Variants in CDT1 observed in about 807,000 individuals in gnomAD.
The protein encoded by CDT1 is chromatin licensing and DNA replication factor 1.
In CDT1, 66 loss-of-function variants were observed where a neutral mutation model predicts 49.3. The observed-to-expected ratio is 1.34, with a 90% confidence interval of 1.10 to 1.64. CDT1 has a LOEUF of 1.64. Ranked by LOEUF, CDT1 falls within the 40% of genes most tolerant of loss-of-function variation. CDT1 has a pLI of 0.00. For synonymous variants in CDT1, 424 were observed against 347.4 expected (o/e 1.22, Z -2.45); for missense variants, 958 against 807.7 (o/e 1.19, Z -2.26).
At position 88,804,802 on chromosome 16, in the gene CDT1, G is replaced by C. The variant is rs756607694; in HGVS notation, c.392G>C (p.Arg131Pro). ...SELASCLQRARELGARVRALK... is the reference protein window; with the variant it reads ...SELASCLQRAPELGARVRALK... The stretch of plus-strand genomic sequence containing the variant: ...CTTGCGTCATGCCTGCAACGGGCCC[G>C]GGAGCTGGGGGCAAGAGTCCGGGCG... Residue 131 changes from arginine (R) to proline (P), a missense_variant, in exon 3 of 10, where the codon CGG becomes CCG. Arg to Pro is a moderately radical substitution (Grantham distance 103). Transcript: ENST00000301019. 1 of 1,612,734 alleles carries C rather than the reference G, an allele frequency of 6.2e-7. No individual in the cohort carries two copies. Among genetic ancestry groups the C allele is most frequent in the South Asian group, 1.1e-5 (1 of 91,084 alleles).
chr16:88,806,735 G>C (rs1597505866), intron 7 of CDT1, 61 bp downstream of exon 7: 2 of 1,538,452 alleles, frequency 1.3e-6, no homozygotes, highest in African/African-American at 1.4e-5. Flanking sequence ...CCTGACCCCA[G>C]GCTTAAGAGG....
At position 88,806,033 on chromosome 16, in the gene CDT1, C is replaced by G. The variant is rs1192351671; in HGVS notation, c.845C>G (p.Ala282Gly). 2 of 1,591,676 alleles carry G rather than the reference C, an allele frequency of 1.3e-6. No homozygotes were observed. Among genetic ancestry groups the G allele is most frequent in the Middle Eastern group, 1.7e-4 (1 of 6,038 alleles). ...EPLLEQEADGAAPQLTASRLL... is the reference protein window; with the variant it reads ...EPLLEQEADGGAPQLTASRLL... Reference sequence around the variant, plus strand: ...ACTCGTCCCACAGAGGCTGACGGAGCAGCCCCCCAGCTCACGGCCTCGCGC... The same window carrying G: ...ACTCGTCCCACAGAGGCTGACGGAGGAGCCCCCCAGCTCACGGCCTCGCGC... The change falls in exon 6 of 10, where the codon GCA becomes GGA. Residue 282 changes from alanine to glycine, a missense_variant. Ala to Gly is a moderately conservative substitution (Grantham distance 60). Transcript: ENST00000301019.
chr16:88,806,531 C>G lies in CDT1; in HGVS notation c.979C>G (p.Gln327Glu). The G allele has an allele frequency of 6.2e-7, 1 of 1,610,726 alleles. No individual in the cohort carries two copies. Among genetic ancestry groups the G allele is most frequent in the Non-Finnish European group, 8.5e-7 (1 of 1,179,168 alleles). Residue 327 changes from glutamine (Q) to glutamate (E), a missense_variant, in exon 7 of 10, where the codon CAG becomes GAG. Gln to Glu is a conservative substitution (Grantham distance 29, BLOSUM62 2). Coordinates refer to ENST00000301019, the MANE Select transcript of CDT1 (RefSeq NM_030928.4). Reference sequence around the variant, plus strand: ...CCCCGCCATGGTGGTGCCGGAGGACCAGCTGACCCGCTGGCACCCGCGCTT... The same window carrying G: ...CCCCGCCATGGTGGTGCCGGAGGACGAGCTGACCCGCTGGCACCCGCGCTT... ...LSPAMVVPED[Q>E]LTRWHPRFNV...
At position 88,806,281 on chromosome 16, in the gene CDT1, C is replaced by T. The variant is rs561677335; in HGVS notation, c.933+160C>T. On this transcript the variant is annotated intron_variant, in intron 6 of 9. Transcript: ENST00000301019. ...AGGGCTGGTGTGCTCAGGGTGCAGCCGCAGGCACTGAGGAGGTCCCCAAGG... is the reference window on the plus strand; with the variant it reads ...AGGGCTGGTGTGCTCAGGGTGCAGCTGCAGGCACTGAGGAGGTCCCCAAGG... The T allele has an allele frequency of 4.0e-4, 389 of 970,254 alleles. 1 individual carries two copies. The African/African-American group carries it at 5.1e-3, about 13-fold the overall frequency. The allele number at this position is 970,254 out of a possible 1,614,324, so 60.1% of individuals were successfully genotyped here.
chr16:88,806,366 C>T (rs1908855599), intron 6 of CDT1, 120 bp from the exon 7 acceptor site: 5 of 1,248,206 alleles, frequency 4.0e-6, no homozygotes, highest in African/African-American at 3.0e-5. Context: ...GAGCACTGGG[C>T]AGAGGCTGAG....
Position 88,805,439 on chromosome 16 carries a change from G to T in CDT1, c.489-1G>T. On this transcript the variant is annotated splice_acceptor_variant, in intron 3 of 9. Transcript: ENST00000301019. LOFTEE classifies it high-confidence loss of function. Reference sequence around the variant, plus strand: ...TCATGAGGCTCCTCCCTCCCTGACAGTGGCGAGAAGGCGCCCGCCTACCAG... The same window carrying T: ...TCATGAGGCTCCTCCCTCCCTGACATTGGCGAGAAGGCGCCCGCCTACCAG... 6.2e-7 allele frequency: 1 copy of T among 1,612,544 alleles called. No homozygotes were observed. Among genetic ancestry groups the T allele is most frequent in the Non-Finnish European group, 8.5e-7 (1 of 1,179,862 alleles).
Position 88,806,544 on chromosome 16 carries a change from G to A in CDT1, c.992G>A (p.Trp331Ter). Residue 331 changes from tryptophan (W) to a stop codon, truncating the protein, a stop_gained, in exon 7 of 10, where the codon TGG (tryptophan) becomes TAG (stop). Transcript: ENST00000301019. LOFTEE classifies it high-confidence loss of function. Reference sequence around the variant, plus strand: ...GTGCCGGAGGACCAGCTGACCCGCTGGCACCCGCGCTTCAACGTGGATGAA... The same window carrying A: ...GTGCCGGAGGACCAGCTGACCCGCTAGCACCCGCGCTTCAACGTGGATGAA... ...MVVPEDQLTR[W>*]HPRFNVDEVP... The A allele has an allele frequency of 1.9e-6, 3 of 1,610,112 alleles. No homozygotes were observed. Among genetic ancestry groups the A allele is most frequent in the Non-Finnish European group, 2.5e-6 (3 of 1,178,902 alleles).
In CDT1 at chr16:88,805,795, G is replaced by A. The variant is rs148337159; in HGVS notation, c.758G>A (p.Arg253His). 316 of 1,613,146 alleles carry A rather than the reference G, an allele frequency of 2.0e-4. No homozygotes were observed. In the African/African-American group the frequency reaches 2.4e-3, roughly 12 times the overall value. Residue 253 changes from arginine (R) to histidine (H), a missense_variant, in exon 5 of 10, where the codon CGC (arginine) becomes CAC (histidine). Coordinates refer to ENST00000301019, the MANE Select transcript of CDT1 (RefSeq NM_030928.4). The part of the protein sequence containing the change: ...YPASYRFRQE[R>H]SVPTFKDGTR... ...GCCTCCTACCGCTTCCGCCAGGAGC[G>A]CAGTGTCCCCACCTTCAAGGATGGC...
chr16:88,808,583 TG>T lies in CDT1; in HGVS notation c.*310del, dbSNP rs986897492. 10 of 459,038 alleles carry T rather than the reference TG, an allele frequency of 2.2e-5. No individual in the cohort carries two copies. Among genetic ancestry groups the T allele is most frequent in the African/African-American group, 1.6e-4 (8 of 50,588 alleles). The allele number at this position is 459,038 out of a possible 1,614,324, so 28.4% of individuals were successfully genotyped here. A position where few individuals can be genotyped will look rare whatever the true frequency, so the allele number is the denominator to read the frequency against. On this transcript the variant is annotated 3_prime_UTR_variant, in exon 10 of 10. Coordinates refer to ENST00000301019, the MANE Select transcript of CDT1 (RefSeq NM_030928.4). ...CCTGGGGGGCCATCGGGAGTGTGGCTGGGGGTGAAGGGGGCTCTGTGGCAAT... is the reference window on the plus strand; with the variant it reads ...CCTGGGGGGCCATCGGGAGTGTGGCTGGGGTGAAGGGGGCTCTGTGGCAAT...
Position 88,806,617 on chromosome 16 carries a change from G to A in CDT1, c.1065G>A (p.Glu355=). 1 of 1,611,778 alleles carries A rather than the reference G, an allele frequency of 6.2e-7. No homozygotes were observed. Among genetic ancestry groups the A allele is most frequent in the Non-Finnish European group, 8.5e-7 (1 of 1,179,718 alleles). ...CGCTGCCCCAGCCACCCGCCACGGAGAAGCTCACCACTGCTCAGGAGGTGC... is the reference window on the plus strand; with the variant it reads ...CGCTGCCCCAGCCACCCGCCACGGAAAAGCTCACCACTGCTCAGGAGGTGC... ...PAALPQPPAT[E]KLTTAQEVLA... Residue 355 remains glutamate, a synonymous_variant, in exon 7 of 10, where the codon GAG becomes GAA. Transcript: ENST00000301019.
intron 9 of CDT1, 46 bp from the exon 10 acceptor site, chr16:88,808,069 G>C: frequency 6.2e-7 from 1 of 1,601,392 alleles, no homozygotes; most frequent in South Asian, 1.1e-5. Context: ...GCCCGTGCAG[G>C]GCTGGGGCCC....
rs763139056 is a variant in CDT1, at chr16:88,808,394, G to A, written c.*116G>A. The A allele has an allele frequency of 2.5e-5, 31 of 1,255,218 alleles. No homozygotes were observed. The highest frequency in any genetic ancestry group is 3.4e-5 in the Non-Finnish European group (31 of 913,492). The allele number at this position is 1,255,218 out of a possible 1,614,324, so 77.8% of individuals were successfully genotyped here. On this transcript the variant is annotated 3_prime_UTR_variant, in exon 10 of 10. Transcript: ENST00000301019. ...GCCTTCCTTTCCCCAGCGCCCCTGAGGGCCAGAGGCAGATGTGGGCTGCAG... is the reference window on the plus strand; with the variant it reads ...GCCTTCCTTTCCCCAGCGCCCCTGAAGGCCAGAGGCAGATGTGGGCTGCAG...
chr16:88,805,145 A>G (rs925571439), intron 3 of CDT1, among the ~76,000 whole-genome samples: 4 of 152,172 alleles, frequency 2.6e-5, no homozygotes, highest in African/African-American at 9.6e-5. Flanking sequence ...CTCCTGATGC[A>G]TTGGTGTGTT....
In CDT1 at chr16:88,807,378, C is replaced by T. The variant is rs145394645; in HGVS notation, c.1373C>T (p.Ala458Val). The T allele has an allele frequency of 5.0e-5, 80 of 1,612,670 alleles. No individual in the cohort carries two copies. In the African/African-American group the frequency reaches 9.7e-4, roughly 20 times the overall value. The change falls in exon 9 of 10, where the codon GCC becomes GTC. Residue 458 changes from alanine (A) to valine (V), a missense_variant. Physicochemically the swap from Ala to Val is moderately conservative, Grantham distance 64. Transcript: ENST00000301019. The stretch of plus-strand genomic sequence containing the variant: ...CGCTTAGAACGGCTGCCTGAGCTGG[C>T]CCGCGTGCTGCGGAGCGTCTTTGTG... ...LQRLERLPEL[A>V]RVLRSVFVSE... is the part of the protein sequence containing the mutation.
rs1908841742 is a variant in CDT1, at chr16:88,806,007, G to C, written c.833-14G>C. 6.3e-7 allele frequency: 1 copy of C among 1,584,602 alleles called. No individual in the cohort carries two copies. Among genetic ancestry groups the C allele is most frequent in the East Asian group, 2.3e-5 (1 of 43,604 alleles). On this transcript the variant is annotated splice_polypyrimidine_tract_variant and intron_variant, in intron 5 of 9. Coordinates refer to ENST00000301019, the MANE Select transcript of CDT1 (RefSeq NM_030928.4). ...GTGGCCTGGTGGGGACTTAGGCCTG[G>C]ACTCGTCCCACAGAGGCTGACGGAG...
Position 88,808,404 on chromosome 16 carries a change from C to T in CDT1, c.*126C>T. 8.8e-7 allele frequency: 1 copy of T among 1,139,660 alleles called. No homozygotes were observed. The highest frequency in any genetic ancestry group is 1.2e-6 in the Non-Finnish European group (1 of 811,098). The allele number at this position is 1,139,660 out of a possible 1,614,324, so 70.6% of individuals were successfully genotyped here. ...CCCCAGCGCCCCTGAGGGCCAGAGG[C>T]AGATGTGGGCTGCAGGCTGCACAGC... On this transcript the variant is annotated 3_prime_UTR_variant, in exon 10 of 10. Transcript: ENST00000301019.
Position 88,804,651 on chromosome 16 carries a change from C to T in CDT1, c.335C>T (p.Thr112Ile), listed in dbSNP as rs1908777683. Residue 112 changes from threonine to isoleucine, a missense_variant, in exon 2 of 10, where the codon ACA (threonine) becomes ATA (isoleucine). Thr to Ile is a moderately conservative substitution (Grantham distance 89). Coordinates refer to ENST00000301019, the MANE Select transcript of CDT1 (RefSeq NM_030928.4). ...GCAGCAGGTCAGCCGCCCCACCTGA[C>T]ATCCGCGCAGGACCAGGTGAGGGGC... ...TPAAGQPPHLTSAQDQDTISE... is the reference protein window; with the variant it reads ...TPAAGQPPHLISAQDQDTISE... The T allele has an allele frequency of 1.2e-6, 2 of 1,612,634 alleles. No homozygotes were observed. The highest frequency in any genetic ancestry group is 1.7e-6 in the Non-Finnish European group (2 of 1,179,828).
rs911784858 is a variant in CDT1 at position 88,809,080 on chromosome 16, G to A, written c.*802G>A. 54 of 229,482 alleles carry A rather than the reference G, an allele frequency of 2.4e-4. 1 individual carries two copies. Among genetic ancestry groups the A allele is most frequent in the Non-Finnish European group, 3.2e-4 (36 of 113,752 alleles). The allele number at this position is 229,482 out of a possible 1,614,324, so 14.2% of individuals were successfully genotyped here. ...ATGTCATCACAGGGCCTTCATGACA[G>A]GGCCAGAGCCAGCCAGCTTTGAAGA... On this transcript the variant is annotated 3_prime_UTR_variant, in exon 10 of 10. Transcript: ENST00000301019.
At position 88,805,479 on chromosome 16, in the gene CDT1, G is replaced by A. The variant is rs1908814586; in HGVS notation, c.528G>A (p.Leu176=). ...KAPAYQRFHA[L]AQPGLPGLVL... The stretch of plus-strand genomic sequence containing the variant: ...CCGCCTACCAGCGCTTCCATGCCCT[G>A]GCCCAGCCCGGCCTGCCGGGACTCG... The change falls in exon 4 of 10, where the codon CTG becomes CTA. Residue 176 remains leucine (L), a synonymous_variant. Coordinates refer to ENST00000301019, the MANE Select transcript of CDT1 (RefSeq NM_030928.4). 1.2e-6 allele frequency: 2 copies of A among 1,612,836 alleles called. No homozygotes were observed. Among genetic ancestry groups the A allele is most frequent in the Non-Finnish European group, 8.5e-7 (1 of 1,179,954 alleles).
Sources: gnomAD v4.1 joint callset for allele counts (sites outside exome capture counted in the v4.1 genomes callset) on GRCh38, gnomAD v4.1.1 for gene constraint, MANE v1.5 for transcripts, NCBI Gene and HGNC (gene_info 2026-07-23, HGNC 2026-07-21) for gene names.